The following UHRF1 variants were observed in gnomAD, a reference collection of about 807,000 sequenced individuals.
UHRF1 encodes the protein ubiquitin like with PHD and ring finger domains 1, also known as E3 ubiquitin-protein ligase UHRF1.
A neutral mutation model predicts 96.5 loss-of-function variants in UHRF1; 9 were observed. The ratio of observed to expected loss-of-function variants is 0.09; its 90% CI spans 0.06 to 0.16. The LOEUF is 0.16. UHRF1 is among the 10% of genes least tolerant of loss of function. UHRF1 has a pLI of 1.00. For synonymous variants in UHRF1, 455 were observed against 469.9 expected (o/e 0.97, Z 0.41); for missense variants, 626 against 1,131.1 (o/e 0.55, Z 6.40).
intron 5 of UHRF1, among the ~76,000 whole-genome samples, chr19:4,940,996 G>A (rs1200642869): frequency 1.3e-5 from 2 of 151,468 alleles, no homozygotes; most frequent in African/African-American, 4.9e-5. Context: ...CTTGCTTGTC[G>A]GTTCTTGTGG....
Position 4,954,619 on chromosome 19 carries a change from C to A in UHRF1, c.1958-31C>A. The stretch of plus-strand genomic sequence containing the variant: ...TCTCTCCGGCAGCTCGGGCCACGCG[C>A]CCCTCCCTCACGCGCCCCACCCTCT... On this transcript the variant is annotated intron_variant, in intron 14 of 16. Coordinates refer to ENST00000650932, the MANE Select transcript of UHRF1 (RefSeq NM_001048201.3). The surrounding 1 kb of genome is among the most constrained non-coding windows in gnomAD (Gnocchi z 5.9). 1 of 1,607,358 alleles carries A rather than the reference C, an allele frequency of 6.2e-7. No homozygotes were observed.
chr19:4,915,702 T>G (rs1261378547), intron 2 of UHRF1, among the ~76,000 whole-genome samples: 4 of 151,618 alleles, frequency 2.6e-5, no homozygotes, highest in Middle Eastern at 3.4e-3. Context: ...AGAGCAAGAC[T>G]CCGTCTCAAA....
At chr19:4,941,969 G>A (rs760338500) in intron 7 of UHRF1, 38 bp downstream of exon 7, 169 of 1,442,648 alleles carry the variant, frequency 1.2e-4, no homozygotes, top group Non-Finnish European at 1.4e-4. Flanking sequence ...AGACCAGAGC[G>A]CCCCCTACAA....
At chr19:4,926,462 G>T (rs2032874177) in intron 2 of UHRF1, among the ~76,000 whole-genome samples, 1 of 152,180 alleles carries the variant, frequency 6.6e-6, no homozygotes, top group South Asian at 2.1e-4. Context: ...CGATGTCCAC[G>T]GTGGGTTTCA....
intron 13 of UHRF1, among the ~76,000 whole-genome samples, chr19:4,951,289 C>G (rs1305944362): frequency 6.6e-6 from 1 of 152,114 alleles, no homozygotes; most frequent in Non-Finnish European, 1.5e-5. Flanking sequence ...TGCCGGGCTC[C>G]ATGACGGCTC....
intron 5 of UHRF1, among the ~76,000 whole-genome samples, chr19:4,939,937 T>C (rs981181542): frequency 6.9e-6 from 1 of 145,758 alleles, no homozygotes; most frequent in Non-Finnish European, 1.5e-5. Flanking sequence ...GGCAGGAGAG[T>C]GGCGTGAACC....
chr19:4,919,823 AT>A (rs948194669), intron 2 of UHRF1, among the ~76,000 whole-genome samples: 49 of 120,896 alleles, frequency 4.1e-4, no homozygotes, highest in East Asian at 1.2e-3. Flanking sequence ...TATTGTTAAT[AT>A]TTTTTTTTTT....
At chr19:4,943,497 C>T (rs2033470110) in intron 7 of UHRF1, among the ~76,000 whole-genome samples, 1 of 138,568 alleles carries the variant, frequency 7.2e-6, no homozygotes, top group African/African-American at 3.0e-5. Context: ...GTTGCCCTGC[C>T]CCCCCTCCCC....
intron 16 of UHRF1, among the ~76,000 whole-genome samples, chr19:4,958,761 C>G (rs1568186953): frequency 6.6e-6 from 1 of 152,038 alleles, no homozygotes; most frequent in South Asian, 2.1e-4. Context: ...CACTTGAGGT[C>G]AGGAGTTTGA....
In UHRF1 at chr19:4,954,795, C is replaced by G. The variant is rs767114863; in HGVS notation, c.2103C>G (p.Leu701=). 8.7e-6 allele frequency: 14 copies of G among 1,613,778 alleles called. No homozygotes were observed. The highest frequency in any genetic ancestry group is 1.6e-4 in the Middle Eastern group (1 of 6,062). ...TGTGGAATGAGGTCCTGGCGTCACT[C>G]AAGGACCGGCCGGCGAGCGGCAGCC... ...AKLWNEVLAS[L]KDRPASGSPF... Residue 701 remains leucine, a synonymous_variant, in exon 15 of 17, where the codon CTC becomes CTG. Coordinates refer to ENST00000650932, the MANE Select transcript of UHRF1 (RefSeq NM_001048201.3). This position sits in a 1 kb window ranked among gnomAD's most constrained non-coding sequence, Gnocchi z 5.9.
At chr19:4,935,738 T>C (rs1262525597) in intron 5 of UHRF1, among the ~76,000 whole-genome samples, 4 of 152,130 alleles carry the variant, frequency 2.6e-5, no homozygotes, top group Non-Finnish European at 5.9e-5. Flanking sequence ...GTCCGTCAGC[T>C]CTGCTGTATT....
chr19:4,926,071 A>G (rs1028007262), intron 2 of UHRF1, among the ~76,000 whole-genome samples: 2 of 150,598 alleles, frequency 1.3e-5, no homozygotes, highest in Non-Finnish European at 3.0e-5. Context: ...CTAATTTTGT[A>G]TTTTTAGTAG....
At position 4,933,356 on chromosome 19, in the gene UHRF1, C is replaced by T. The variant is rs8107805; in HGVS notation, c.785+400C>T. On this transcript the variant is annotated intron_variant, in intron 5 of 16. Transcript: ENST00000650932. Reference sequence around the variant, plus strand: ...TCAGCCTCCCGAGTAGCTGGGACTACAGGCGTCTACCACCACACCTGGCTA... The same window carrying T: ...TCAGCCTCCCGAGTAGCTGGGACTATAGGCGTCTACCACCACACCTGGCTA... 2.9e-3 allele frequency among the ~76,000 whole-genome samples: 438 copies of T among 152,284 alleles called. 2 individuals carry two copies. The highest frequency in any genetic ancestry group is 9.9e-3 in the African/African-American group (413 of 41,562).
chr19:4,927,183 C>T (rs1391582342), intron 2 of UHRF1, among the ~76,000 whole-genome samples: 1 of 151,976 alleles, frequency 6.6e-6, no homozygotes, highest in Non-Finnish European at 1.5e-5. Context: ...AGTTCAAAAC[C>T]AGCCTGGCCA....
In UHRF1 at chr19:4,945,962, T is replaced by G. The variant is rs2250978; in HGVS notation, c.1407T>G (p.Asp469Glu). 50 of 1,565,730 alleles carry G rather than the reference T, an allele frequency of 3.2e-5. No individual in the cohort carries two copies. The highest frequency in any genetic ancestry group is 4.1e-5 in the Non-Finnish European group (47 of 1,149,034). The change falls in exon 10 of 17, where the codon GAT becomes GAG. Residue 469 changes from aspartate to glutamate, a missense_variant. Physicochemically the swap from Asp to Glu is conservative, Grantham distance 45. Coordinates refer to ENST00000650932, the MANE Select transcript of UHRF1 (RefSeq NM_001048201.3). ...SLVLAGGYEDDVDHGNFFTYT... is the reference protein window; with the variant it reads ...SLVLAGGYEDEVDHGNFFTYT... Reference sequence around the variant, plus strand: ...TCCTGGCGGGGGGCTATGAGGATGATGTGGTGAGTGTGTGTGTGGGAGGGG... The same window carrying G: ...TCCTGGCGGGGGGCTATGAGGATGAGGTGGTGAGTGTGTGTGTGGGAGGGG...
At chr19:4,923,240 G>A (rs1435552943) in intron 2 of UHRF1, among the ~76,000 whole-genome samples, 1 of 152,146 alleles carries the variant, frequency 6.6e-6, no homozygotes, top group African/African-American at 2.4e-5. Flanking sequence ...GAGTCTGGCA[G>A]GACAGAGTCC....
In UHRF1 at chr19:4,941,619, C is replaced by A. The variant is rs760781095; in HGVS notation, c.877C>A (p.Pro293Thr). The A allele has an allele frequency of 6.2e-7, 1 of 1,613,296 alleles. No homozygotes were observed. Among genetic ancestry groups the A allele is most frequent in the Admixed American group, 1.7e-5 (1 of 59,938 alleles). The change falls in exon 6 of 17, where the codon CCC (proline) becomes ACC (threonine). Residue 293 changes from proline to threonine, a missense_variant. Around this residue, in one of 11 missense-constraint regions of UHRF1, gnomAD observed 198 missense variants for 235.1 expected, o/e 0.84. Transcript: ENST00000650932. ...TGAAGGGAGCCCCATGGTTGACAAC[C>A]CCATGAGACGTGAGTTCTGAGCCAG... ...PGEGSPMVDN[P>T]MRRKSGPSCK...
At chr19:4,921,773 A>G in intron 2 of UHRF1, among the ~76,000 whole-genome samples, 1 of 152,128 alleles carries the variant, frequency 6.6e-6, no homozygotes, top group Non-Finnish European at 1.5e-5. Flanking sequence ...AGAAAAAGAA[A>G]ATTGATAAAG....
chr19:4,944,336 G>T lies in UHRF1; in HGVS notation c.1198-7G>T, dbSNP rs745570391. 20 of 1,613,932 alleles carry T rather than the reference G, an allele frequency of 1.2e-5. No individual in the cohort carries two copies. Among genetic ancestry groups the T allele is most frequent in the Non-Finnish European group, 1.7e-5 (20 of 1,179,902 alleles). On this transcript the variant is annotated splice_region_variant and splice_polypyrimidine_tract_variant and intron_variant, in intron 8 of 16. Coordinates refer to ENST00000650932, the MANE Select transcript of UHRF1 (RefSeq NM_001048201.3). ...GCTGTTGTTCTTTGTGTCTGTGCCT[G>T]GGACAGGGCATGGCCTGTGTGGGCC...
Sources: allele counts gnomAD v4.1 joint callset (sites outside exome capture counted in the v4.1 genomes callset), GRCh38; gene constraint gnomAD v4.1.1; regional missense constraint gnomAD v4.1.1; non-coding constraint Gnocchi (gnomAD v3.1); transcripts MANE v1.5; gene names NCBI Gene and HGNC (gene_info 2026-07-23, HGNC 2026-07-21).